Variants in DAB1 observed in about 807,000 individuals in gnomAD.
DAB1 encodes disabled homolog 1.
Under a neutral mutation model 64.6 loss-of-function variants are expected in DAB1, and 15 were observed. That is an observed-to-expected ratio of 0.23 (90% CI 0.16 to 0.36). The LOEUF (loss-of-function observed/expected upper bound fraction) is 0.36, where lower values mean the gene tolerates loss of function less well. Ranked by LOEUF, DAB1 falls within the 10% of genes least tolerant of loss-of-function variation. The pLI is 1.00. For synonymous variants in DAB1, 235 were observed against 251.9 expected (o/e 0.93, Z 0.64); for missense variants, 596 against 706.7 (o/e 0.84, Z 1.78).
chr1:58,009,721 C>T (rs983986772), intron 5 of DAB1, among the ~76,000 whole-genome samples: 6 of 152,166 alleles, frequency 3.9e-5, no homozygotes, highest in African/African-American at 7.2e-5. Context: ...TTATCTCTGA[C>T]ACCACCATAG....
intron 7 of DAB1, among the ~76,000 whole-genome samples, chr1:57,464,197 A>G (rs963687036): frequency 6.6e-6 from 1 of 152,192 alleles, no homozygotes; most frequent in Non-Finnish European, 1.5e-5. Context: ...TTTAGAGATG[A>G]GAAAATCAAG....
At chr1:57,495,286 A>G (rs1039926200) in intron 7 of DAB1, among the ~76,000 whole-genome samples, 1 of 152,234 alleles carries the variant, frequency 6.6e-6, no homozygotes, top group Non-Finnish European at 1.5e-5. Flanking sequence ...GATGCTGCCA[A>G]GTAAAAGTTA....
chr1:57,104,634 T>C (rs1416482047), intron 4 of DAB1, among the ~76,000 whole-genome samples: 1 of 152,148 alleles, frequency 6.6e-6, no homozygotes, highest in African/African-American at 2.4e-5. Flanking sequence ...TGAGTGAACG[T>C]GTTGCCCATC....
In DAB1 at chr1:57,715,769, GA is replaced by G. The variant is rs891101976; in HGVS notation, n.552-66105del. ...CCTACAATTAAAACTATAAAATCATGAAAAAAAATTGAAGTAGACACAAATA... is the reference window on the plus strand; with the variant it reads ...CCTACAATTAAAACTATAAAATCATGAAAAAAATTGAAGTAGACACAAATA... On this transcript the variant is annotated intron_variant and non_coding_transcript_variant, in intron 6 of 20. Coordinates refer to the DAB1 transcript ENST00000485760. Among the ~76,000 whole-genome samples, 875 of 151,834 alleles carry G rather than the reference GA, an allele frequency of 5.8e-3. 10 individuals are homozygous for G. Among genetic ancestry groups the G allele is most frequent in the African/African-American group, 6.0e-3 (247 of 41,390 alleles).
At chr1:58,519,520 A>C (rs1646227115) in intron 2 of DAB1, among the ~76,000 whole-genome samples, 1 of 152,182 alleles carries the variant, frequency 6.6e-6, no homozygotes, top group South Asian at 2.1e-4. Context: ...GCTCTGAATG[A>C]GTGAAGAGAT....
At chr1:57,308,814 G>A (rs2100725393) in intron 1 of DAB1, among the ~76,000 whole-genome samples, 1 of 152,228 alleles carries the variant, frequency 6.6e-6, no homozygotes, top group Non-Finnish European at 1.5e-5. Flanking sequence ...CTCTGGGAAG[G>A]AAACTGACTT....
chr1:58,383,709 C>A (rs375040157), intron 3 of DAB1, among the ~76,000 whole-genome samples: 1 of 152,134 alleles, frequency 6.6e-6, no homozygotes, highest in Non-Finnish European at 1.5e-5. Context: ...AATATTTCTG[C>A]CTTTTCTAAG....
chr1:58,377,382 C>T (rs1207402998), intron 3 of DAB1, among the ~76,000 whole-genome samples: 17 of 141,144 alleles, frequency 1.2e-4, no homozygotes, highest in African/African-American at 4.5e-4. Context: ...CTGGTGGTGA[C>T]AAAATCGGTC....
chr1:57,692,032 C>T (rs1646770716), intron 6 of DAB1, among the ~76,000 whole-genome samples: 1 of 152,070 alleles, frequency 6.6e-6, no homozygotes, highest in Non-Finnish European at 1.5e-5. Flanking sequence ...TTTTCCTGTA[C>T]TTCTGGGCTG....
At chr1:57,883,464 G>A (rs562993423) in intron 1 of DAB1, among the ~76,000 whole-genome samples, 2 of 152,304 alleles carry the variant, frequency 1.3e-5, no homozygotes, top group Admixed American at 1.3e-4. Flanking sequence ...GGGTAATAAG[G>A]CAGAGAGCAC....
intron 10 of DAB1, among the ~76,000 whole-genome samples, chr1:57,024,787 C>A (rs974777323): frequency 6.6e-6 from 1 of 152,212 alleles, no homozygotes; most frequent in Non-Finnish European, 1.5e-5. Flanking sequence ...AGCTGCATAG[C>A]CCTGCCGTTC....
chr1:57,773,538 T>C (rs1410260008), intron 6 of DAB1, among the ~76,000 whole-genome samples: 1 of 152,070 alleles, frequency 6.6e-6, no homozygotes, highest in Non-Finnish European at 1.5e-5. Context: ...GTATTTTTCA[T>C]GTTATGTTCT....
At chr1:58,366,783 G>A (rs561171970) in intron 3 of DAB1, among the ~76,000 whole-genome samples, 67 of 152,334 alleles carry the variant, frequency 4.4e-4, no homozygotes, top group African/African-American at 1.5e-3. Context: ...CAGGCAAGAC[G>A]TGGAGTCACT....
At chr1:58,284,961 A>G (rs2100443687) in intron 4 of DAB1, among the ~76,000 whole-genome samples, 1 of 152,320 alleles carries the variant, frequency 6.6e-6, no homozygotes, top group Non-Finnish European at 1.5e-5. Flanking sequence ...TCATCTGTTC[A>G]TATATCTGCT....
Position 58,068,910 on chromosome 1 carries a change from G to C in DAB1, n.387+81601C>G, listed in dbSNP as rs576132771. ...TAATGTGTTCACTACTGTCACTTAC[G>C]CTTGGTGTGACACACAACACCACAG... On this transcript the variant is annotated intron_variant and non_coding_transcript_variant, in intron 5 of 20. Coordinates refer to the DAB1 transcript ENST00000485760. Among the ~76,000 whole-genome samples, 5 of 152,158 alleles carry C rather than the reference G, an allele frequency of 3.3e-5. No homozygotes were observed. In the East Asian group the frequency reaches 9.7e-4, roughly 29 times the overall value.
At chr1:57,697,278 G>T (rs1467208311) in intron 6 of DAB1, among the ~76,000 whole-genome samples, 1 of 151,918 alleles carries the variant, frequency 6.6e-6, no homozygotes, top group Non-Finnish European at 1.5e-5. Context: ...CTTTCTTATG[G>T]CACAAATTCA....
intron 7 of DAB1, among the ~76,000 whole-genome samples, chr1:57,639,939 T>A (rs1028051663): frequency 2.0e-5 from 3 of 152,100 alleles, no homozygotes; most frequent in African/African-American, 7.2e-5. Flanking sequence ...AAAAGAAAGG[T>A]CCCCAAAATA....
intron 9 of DAB1, among the ~76,000 whole-genome samples, chr1:57,052,321 T>C (rs1005264280): frequency 5.9e-5 from 9 of 152,206 alleles, no homozygotes; most frequent in African/African-American, 2.2e-4. Context: ...ATGTCATATC[T>C]GATCATCAGA....
At chr1:57,543,849 T>C (rs1570611940) in intron 7 of DAB1, among the ~76,000 whole-genome samples, 1 of 152,194 alleles carries the variant, frequency 6.6e-6, no homozygotes, top group African/African-American at 2.4e-5. Context: ...ACACCTATAA[T>C]GACAGCACTT....
Sources: allele counts gnomAD v4.1 joint callset (sites outside exome capture counted in the v4.1 genomes callset), GRCh38; gene constraint gnomAD v4.1.1; transcripts MANE v1.5; gene names NCBI Gene and HGNC (gene_info 2026-07-23, HGNC 2026-07-21).